SYT7: variants seen among roughly 807,000 people sequenced by gnomAD.
The protein encoded by SYT7 is synaptotagmin 7.
A neutral mutation model predicts 75.1 loss-of-function variants in SYT7; 29 were observed. The observed-to-expected ratio is 0.39, with a 90% confidence interval of 0.29 to 0.53. The LOEUF is 0.53. Ranked by LOEUF, SYT7 falls within the 20% of genes least tolerant of loss-of-function variation. The pLI is 0.77. For synonymous variants in SYT7, 376 were observed against 401.7 expected, an observed-to-expected ratio of 0.94 and a Z score of 0.76; for missense variants, 693 against 953.2, an observed-to-expected ratio of 0.73 and a Z score of 3.59.
rs1367801719 is a variant in SYT7 at position 61,524,563 on chromosome 11, G to A, written c.1472-31C>T. 3.2e-6 allele frequency: 5 copies of A among 1,540,808 alleles called. No individual in the cohort carries two copies. The highest frequency in any genetic ancestry group is 3.8e-5 in the Admixed American group (2 of 52,618). Reference sequence around the variant, plus strand: ...GGTATAGATGAGTGTGAGTGAAGAGGGGGACAGAGGGGCTGCACGGGGCCC... The same window carrying A: ...GGTATAGATGAGTGTGAGTGAAGAGAGGGACAGAGGGGCTGCACGGGGCCC... On this transcript the variant is annotated intron_variant, in intron 9 of 12. Transcript: ENST00000539008. This position sits in a 1 kb window ranked among gnomAD's most constrained non-coding sequence, Gnocchi z 4.1.
chr11:61,534,013 A>G (rs2062789305), intron 7 of SYT7, among the ~76,000 whole-genome samples: 1 of 151,896 alleles, frequency 6.6e-6, no homozygotes, highest in Non-Finnish European at 1.5e-5. Flanking sequence ...CTTTGACCCA[A>G]TGGCTGGGTG....
rs751909549 is a variant in SYT7, at chr11:61,551,356, C to T, written c.215+28G>A. The stretch of plus-strand genomic sequence containing the variant: ...CCCACCTGGGCTGCTTGTGTGGCCC[C>T]ATCCCAAACTAGCAGCCTGGCACCT... On this transcript the variant is annotated intron_variant, in intron 3 of 12. Transcript: ENST00000539008. This position sits in a 1 kb window ranked among gnomAD's most constrained non-coding sequence, Gnocchi z 5.3. 3 of 1,611,230 alleles carry T rather than the reference C, an allele frequency of 1.9e-6. No homozygotes were observed. Among genetic ancestry groups the T allele is most frequent in the Non-Finnish European group, 2.5e-6 (3 of 1,178,188 alleles).
In SYT7 at chr11:61,524,554, A is replaced by G. The variant is rs1438293868; in HGVS notation, c.1472-22T>C. Reference sequence around the variant, plus strand: ...AAACCTGGGGGTATAGATGAGTGTGAGTGAAGAGGGGGACAGAGGGGCTGC... The same window carrying G: ...AAACCTGGGGGTATAGATGAGTGTGGGTGAAGAGGGGGACAGAGGGGCTGC... On this transcript the variant is annotated intron_variant, in intron 9 of 12. Transcript: ENST00000539008. The surrounding 1 kb of genome is among the most constrained non-coding windows in gnomAD (Gnocchi z 4.1). 1.9e-6 allele frequency: 3 copies of G among 1,555,310 alleles called. No individual in the cohort carries two copies. The highest frequency in any genetic ancestry group is 2.6e-6 in the Non-Finnish European group (3 of 1,148,314).
chr11:61,517,805 CT>C lies in SYT7; in HGVS notation c.*821del, dbSNP rs2062185564. On this transcript the variant is annotated 3_prime_UTR_variant, in exon 13 of 13. Coordinates refer to ENST00000539008, the MANE Select transcript of SYT7 (RefSeq NM_001365809.2). ...GATGAAATTGCTGAGGAGGGAACTA[CT>C]TCAGATTCTGAGCAGAGGGGGGCAC... 2 of 375,840 alleles carry C rather than the reference CT, an allele frequency of 5.3e-6. No homozygotes were observed. The highest frequency in any genetic ancestry group is 9.4e-6 in the Non-Finnish European group (2 of 213,004). The allele number at this position is 375,840 out of a possible 1,614,324, so 23.3% of individuals were successfully genotyped here.
At chr11:61,550,065 T>C (rs1245428501) in intron 3 of SYT7, among the ~76,000 whole-genome samples, 1 of 152,200 alleles carries the variant, frequency 6.6e-6, no homozygotes, top group Non-Finnish European at 1.5e-5. Context: ...AGCCCGGGCC[T>C]GCACTCTGCA....
intron 8 of SYT7, among the ~76,000 whole-genome samples, chr11:61,528,863 G>A (rs776360766): frequency 2.0e-5 from 3 of 152,140 alleles, no homozygotes; most frequent in Non-Finnish European, 4.4e-5. Context: ...TGTAAAAGGC[G>A]CCTCAGATGA....
chr11:61,578,993 G>A (rs1383286894), intron 1 of SYT7, among the ~76,000 whole-genome samples: 1 of 152,204 alleles, frequency 6.6e-6, no homozygotes, highest in East Asian at 1.9e-4. Flanking sequence ...CCTAGAAGAT[G>A]CCAAGCACGT....
intron 2 of SYT7, among the ~76,000 whole-genome samples, chr11:61,555,407 C>T (rs2063469203): frequency 6.6e-6 from 1 of 152,224 alleles, no homozygotes; most frequent in Non-Finnish European, 1.5e-5. Context: ...GCTCGGGGAG[C>T]TGTGGGCTGC....
intron 8 of SYT7, among the ~76,000 whole-genome samples, chr11:61,531,477 G>A (rs1375572656): frequency 6.6e-6 from 1 of 152,130 alleles, no homozygotes; most frequent in African/African-American, 2.4e-5. Flanking sequence ...AAGATGGAAG[G>A]AGGGCAGTGG....
At chr11:61,536,798 C>T (rs1009869237) in intron 7 of SYT7, among the ~76,000 whole-genome samples, 4 of 152,194 alleles carry the variant, frequency 2.6e-5, no homozygotes, top group African/African-American at 9.7e-5. Context: ...CTCAGCCTAT[C>T]CATCCTCCCT....
intron 12 of SYT7, among the ~76,000 whole-genome samples, chr11:61,521,954 A>G (rs3911963): frequency 0.023 from 3,499 of 152,314 alleles, 76 homozygotes; most frequent in Non-Finnish European, 0.032. Context: ...TCCCACTCTC[A>G]TTTTGAGAGG....
chr11:61,571,206 G>A (rs1234565035), intron 1 of SYT7, among the ~76,000 whole-genome samples: 1 of 152,214 alleles, frequency 6.6e-6, no homozygotes, highest in Non-Finnish European at 1.5e-5. Context: ...GTGTGCCCAT[G>A]TGCCTCTGCA....
intron 1 of SYT7, among the ~76,000 whole-genome samples, chr11:61,560,872 G>A (rs906872110): frequency 1.2e-4 from 18 of 152,220 alleles, no homozygotes; most frequent in African/African-American, 4.1e-4. Context: ...GGTCCTTCCT[G>A]GACGGGCATT....
intron 8 of SYT7, among the ~76,000 whole-genome samples, chr11:61,530,558 G>C (rs2062674469): frequency 6.6e-6 from 1 of 152,164 alleles, no homozygotes; most frequent in African/African-American, 2.4e-5. Flanking sequence ...TGACCCACTG[G>C]CAGAGGGATC....
At chr11:61,584,175 G>C (rs2064336664), upstream of SYT7, among the ~76,000 whole-genome samples, 1 of 152,098 alleles carries the variant, frequency 6.6e-6, no homozygotes, top group Non-Finnish European at 1.5e-5. Context: ...AGTTCACAAG[G>C]CCAGGAGTTC....
In SYT7 at chr11:61,517,647, G is replaced by C. The variant is rs936983522; in HGVS notation, c.*980C>G. 1 of 398,594 alleles carries C rather than the reference G, an allele frequency of 2.5e-6. No individual in the cohort carries two copies. The highest frequency in any genetic ancestry group is 2.1e-5 in the African/African-American group (1 of 48,382). 24.7% of individuals were successfully genotyped at this position (398,594 alleles called of 1,614,324 possible). ...GCGTATGAGGTGTGGGAAGCTGGCG[G>C]GGGGTCTTTTGATGAAGGAGTTAGG... On this transcript the variant is annotated 3_prime_UTR_variant, in exon 13 of 13. Coordinates refer to ENST00000539008, the MANE Select transcript of SYT7 (RefSeq NM_001365809.2).
At chr11:61,550,919 G>A (rs996398881) in intron 3 of SYT7, among the ~76,000 whole-genome samples, 1 of 152,204 alleles carries the variant, frequency 6.6e-6, no homozygotes, top group African/African-American at 2.4e-5. Flanking sequence ...CCAGACACAG[G>A]TGTGTCTGCC....
At chr11:61,545,618 T>C (rs2063162123) in intron 5 of SYT7, among the ~76,000 whole-genome samples, 1 of 152,098 alleles carries the variant, frequency 6.6e-6, no homozygotes, top group Non-Finnish European at 1.5e-5. Context: ...TGATGGGTGA[T>C]TGTCAGGCTG....
intron 1 of SYT7, among the ~76,000 whole-genome samples, chr11:61,556,675 A>G (rs2063509445): frequency 1.3e-5 from 2 of 152,232 alleles, no homozygotes; most frequent in Non-Finnish European, 2.9e-5. Context: ...AAATTTGTCC[A>G]AAGGGTCCTT....
Sources: allele counts gnomAD v4.1 joint callset (sites outside exome capture counted in the v4.1 genomes callset), GRCh38; gene constraint gnomAD v4.1.1; non-coding constraint Gnocchi (gnomAD v3.1); transcripts MANE v1.5; gene names NCBI Gene and HGNC (gene_info 2026-07-23, HGNC 2026-07-21).